Variants in PTGER3 observed in about 807,000 individuals in gnomAD.
The protein encoded by PTGER3 is prostaglandin E2 receptor EP3 subtype.
Under a neutral mutation model 34.7 loss-of-function variants are expected in PTGER3, and 22 were observed. The observed-to-expected ratio is 0.63, with a 90% CI of 0.45 to 0.91. PTGER3 has a LOEUF of 0.91. PTGER3 is among the 40% of genes least tolerant of loss of function. The pLI, the probability that PTGER3 is intolerant of heterozygous loss-of-function variation, is 0.00. For missense variants in PTGER3, 468 were observed against 519.4 expected (o/e 0.90, Z 0.96); for synonymous variants, 241 against 230.1 (o/e 1.05, Z -0.43).
chr1:70,996,084 A>G (rs1158621234), intron 2 of PTGER3, among the ~76,000 whole-genome samples: 1 of 152,130 alleles, frequency 6.6e-6, no homozygotes, highest in Non-Finnish European at 1.5e-5. Context: ...AAGGCTACTC[A>G]TTGCCTTCCT....
At chr1:70,983,078 G>C (rs1005301919) in intron 2 of PTGER3, among the ~76,000 whole-genome samples, 5 of 152,052 alleles carry the variant, frequency 3.3e-5, no homozygotes, top group Non-Finnish European at 4.4e-5. Context: ...AGACTGATTA[G>C]AAGCACAGTA....
chr1:70,908,638 C>T (rs1646999069), intron 4 of PTGER3, among the ~76,000 whole-genome samples: 1 of 152,176 alleles, frequency 6.6e-6, no homozygotes, highest in Admixed American at 6.5e-5. Context: ...AGATCCTTGT[C>T]TCAAGATCTG....
chr1:70,881,369 T>A (rs1646386599), intron 4 of PTGER3, among the ~76,000 whole-genome samples: 1 of 152,246 alleles, frequency 6.6e-6, no homozygotes, highest in Non-Finnish European at 1.5e-5. Context: ...TGAATATCAA[T>A]GATCTTCATT....
intron 1 of PTGER3, among the ~76,000 whole-genome samples, chr1:71,040,110 A>G (rs1461009138): frequency 2.0e-5 from 3 of 151,246 alleles, no homozygotes; most frequent in African/African-American, 7.4e-5. Context: ...GAAAGAAAGA[A>G]AGAAAGAAAA....
At chr1:71,002,738 C>G (rs1485804619) in intron 2 of PTGER3, among the ~76,000 whole-genome samples, 7 of 152,110 alleles carry the variant, frequency 4.6e-5, no homozygotes. Context: ...AGTAAAAACC[C>G]GTTTTGTCCC....
downstream of PTGER3, among the ~76,000 whole-genome samples, chr1:70,968,514 A>G (rs994613970): frequency 1.3e-5 from 2 of 152,128 alleles, no homozygotes; most frequent in Non-Finnish European, 2.9e-5. Flanking sequence ...AAAAATGAAG[A>G]TGAAGCTACT....
intron 4 of PTGER3, among the ~76,000 whole-genome samples, chr1:70,909,084 C>T (rs576150356): frequency 1.6e-4 from 24 of 151,928 alleles, no homozygotes; most frequent in African/African-American, 5.8e-4. Context: ...GGAAACAATC[C>T]AAATGTCAAT....
chr1:70,906,581 T>C (rs1193441304), intron 4 of PTGER3, among the ~76,000 whole-genome samples: 2 of 152,208 alleles, frequency 1.3e-5, no homozygotes, highest in East Asian at 3.9e-4. Context: ...AGTAATTTTA[T>C]AATTTGTATG....
At chr1:70,956,504 T>C (rs1651351011) in intron 2 of PTGER3, among the ~76,000 whole-genome samples, 1 of 152,046 alleles carries the variant, frequency 6.6e-6, no homozygotes, top group Non-Finnish European at 1.5e-5. Context: ...TGAAAAAATA[T>C]AATCAATGGA....
rs776999639 is a variant in PTGER3 at position 71,047,026 on chromosome 1, G to C, written c.552C>G (p.Ala184=). Residue 184 remains alanine (A), a synonymous_variant, in exon 1 of 4, where the codon GCC becomes GCG. Coordinates refer to ENST00000306666, the MANE Select transcript of PTGER3 (RefSeq NM_198719.2). ...TRAVLLGVWL[A]VLAFALLPVL... is the part of the protein sequence containing the mutation. ...CCGGCAGCAGGGCGAAGGCGAGCAC[G>C]GCCAGCCACACGCCGAGCAGCACAG... is the stretch of plus-strand genomic sequence containing the variant. 1.2e-6 allele frequency: 2 copies of C among 1,610,988 alleles called. No individual in the cohort carries two copies. The highest frequency in any genetic ancestry group is 2.2e-5 in the East Asian group (1 of 44,824).
At chr1:70,916,051 C>T (rs1403487076) in intron 4 of PTGER3, among the ~76,000 whole-genome samples, 3 of 151,582 alleles carry the variant, frequency 2.0e-5, no homozygotes, top group Non-Finnish European at 1.5e-5. Context: ...AAACAGATAA[C>T]CCAATTTAAA....
chr1:70,941,737 C>T (rs1425957958), intron 4 of PTGER3, among the ~76,000 whole-genome samples: 2 of 152,110 alleles, frequency 1.3e-5, no homozygotes, highest in Non-Finnish European at 2.9e-5. Flanking sequence ...TCTAAAATAT[C>T]ACTGGAATCT....
chr1:70,986,900 C>T (rs983100101), intron 2 of PTGER3, among the ~76,000 whole-genome samples: 13 of 152,166 alleles, frequency 8.5e-5, no homozygotes, highest in African/African-American at 3.1e-4. Context: ...ATCTCCTACT[C>T]TTCTACCTCC....
intron 2 of PTGER3, among the ~76,000 whole-genome samples, chr1:70,962,814 C>T (rs1279911557): frequency 6.6e-6 from 1 of 152,162 alleles, no homozygotes; most frequent in African/African-American, 2.4e-5. Flanking sequence ...TGACCCCTCC[C>T]AAATCTATGT....
chr1:71,031,674 C>T (rs992835118), intron 1 of PTGER3, among the ~76,000 whole-genome samples: 1 of 152,202 alleles, frequency 6.6e-6, no homozygotes, highest in African/African-American at 2.4e-5. Context: ...TGAAGTTCAT[C>T]ATCAAGAACA....
chr1:71,040,179 G>GGGAAGGGAAGGGAAAGGAAAGGAAA (rs1660191687), intron 1 of PTGER3, among the ~76,000 whole-genome samples: 1 of 150,858 alleles, frequency 6.6e-6, no homozygotes, highest in Non-Finnish European at 1.5e-5. Flanking sequence ...GGAGAGGGAA[G>GGGAAGGGAAGGGAAAGGAAAGGAAA]GGAAGGGAAG....
intron 2 of PTGER3, among the ~76,000 whole-genome samples, chr1:70,964,303 C>A (rs186187091): frequency 6.6e-6 from 1 of 152,208 alleles, no homozygotes; most frequent in Admixed American, 6.5e-5. Flanking sequence ...CTTGTTTCCA[C>A]ATTCTCAGGT....
At chr1:70,900,754 T>C (rs1646819419) in intron 4 of PTGER3, among the ~76,000 whole-genome samples, 1 of 152,078 alleles carries the variant, frequency 6.6e-6, no homozygotes, top group African/African-American at 2.4e-5. Context: ...GCACCCCCAT[T>C]ATACAGAACT....
chr1:70,932,224 C>A (rs1042437329), intron 4 of PTGER3, among the ~76,000 whole-genome samples: 2 of 152,086 alleles, frequency 1.3e-5, no homozygotes, highest in Non-Finnish European at 2.9e-5. Flanking sequence ...CAGCCAGGAC[C>A]TTATCATTCA....
Sources: allele counts gnomAD v4.1 joint callset (sites outside exome capture counted in the v4.1 genomes callset), GRCh38; gene constraint gnomAD v4.1.1; transcripts MANE v1.5; gene names NCBI Gene and HGNC (gene_info 2026-07-23, HGNC 2026-07-21).